SUGCT: variants seen among roughly 807,000 people sequenced by gnomAD.
SUGCT encodes the protein succinyl-CoA:glutarate-CoA transferase.
A neutral mutation model predicts 55.0 loss-of-function variants in SUGCT; 41 were observed. That is an observed-to-expected ratio of 0.74 (90% CI 0.58 to 0.97). SUGCT has a LOEUF of 0.97. Ranked by LOEUF, SUGCT falls within the 50% of genes least tolerant of loss-of-function variation. SUGCT has a pLI of 0.00. For synonymous variants in SUGCT, 187 were observed against 200.4 expected (o/e 0.93, Z 0.56); for missense variants, 568 against 547.8 (o/e 1.04, Z -0.37).
the SUGCT span, among the ~76,000 whole-genome samples, chr7:40,983,020 C>A: frequency 6.6e-6 from 1 of 152,162 alleles, no homozygotes; most frequent in East Asian, 1.9e-4. Flanking sequence ...TTCTTAGGTA[C>A]ATTATATGTC....
chr7:40,422,559 A>C (rs1374157617), intron 9 of SUGCT, among the ~76,000 whole-genome samples: 1 of 152,072 alleles, frequency 6.6e-6, no homozygotes, highest in Non-Finnish European at 1.5e-5. Context: ...TTCTCTTCAC[A>C]TCAGAATCCT....
At chr7:40,136,756 G>GA (rs1787716592) in intron 1 of SUGCT, among the ~76,000 whole-genome samples, 1 of 152,164 alleles carries the variant, frequency 6.6e-6, no homozygotes, top group South Asian at 2.1e-4. Flanking sequence ...TGAATAAAAT[G>GA]ACCTAGGTGG....
intron 9 of SUGCT, among the ~76,000 whole-genome samples, chr7:40,378,245 T>C (rs1784703589): frequency 6.6e-6 from 1 of 152,066 alleles, no homozygotes; most frequent in Non-Finnish European, 1.5e-5. Flanking sequence ...ACTCCTGTTG[T>C]GCACCTGTTA....
the SUGCT span, among the ~76,000 whole-genome samples, chr7:40,885,212 C>A: frequency 6.6e-6 from 1 of 152,028 alleles, no homozygotes; most frequent in African/African-American, 2.4e-5. Flanking sequence ...CTTGCAGGCT[C>A]CAGCGTTTTC....
At chr7:40,701,016 T>C (rs1267883150) in intron 12 of SUGCT, among the ~76,000 whole-genome samples, 1 of 152,162 alleles carries the variant, frequency 6.6e-6, no homozygotes, top group Non-Finnish European at 1.5e-5. Context: ...CTGCTCTTTG[T>C]TTTGCTTGGT....
chr7:40,514,710 CAA>C (rs914527174), intron 12 of SUGCT, among the ~76,000 whole-genome samples: 9 of 13,884 alleles, frequency 6.5e-4, no homozygotes, highest in African/African-American at 2.1e-3. Context: ...AACTCCGTCT[CAA>C]AAAAAAAAAA....
At chr7:40,136,940 A>T (rs989609147) in intron 1 of SUGCT, among the ~76,000 whole-genome samples, 10 of 151,968 alleles carry the variant, frequency 6.6e-5, no homozygotes, top group African/African-American at 2.4e-4. Context: ...AGCTGCAGTG[A>T]TCCGCTATTG....
At chr7:40,719,845 G>T (rs762120102) in intron 12 of SUGCT, among the ~76,000 whole-genome samples, 13 of 152,282 alleles carry the variant, frequency 8.5e-5, no homozygotes, top group Middle Eastern at 6.8e-3. Flanking sequence ...CACCAGGCTG[G>T]CATGCAGTGG....
chr7:40,255,356 A>C (rs1038656033), intron 7 of SUGCT, among the ~76,000 whole-genome samples: 2 of 151,856 alleles, frequency 1.3e-5, no homozygotes, highest in African/African-American at 4.8e-5. Context: ...TGACTTAATG[A>C]AAGTATTGAA....
At chr7:40,441,617 G>T (rs969833825) in intron 9 of SUGCT, among the ~76,000 whole-genome samples, 2 of 152,160 alleles carry the variant, frequency 1.3e-5, no homozygotes, top group Non-Finnish European at 2.9e-5. Context: ...TGTATAGTAA[G>T]ATATTCATGT....
intron 13 of SUGCT, among the ~76,000 whole-genome samples, chr7:40,800,385 T>A (rs551216897): frequency 2.0e-5 from 3 of 151,060 alleles, no homozygotes; most frequent in Admixed American, 6.6e-5. Context: ...GCCTCCTGGG[T>A]TCAAGTGATT....
At chr7:40,986,891 A>C in the SUGCT span, among the ~76,000 whole-genome samples, 1 of 152,168 alleles carries the variant, frequency 6.6e-6, no homozygotes. Context: ...AAATAAAAAA[A>C]CCTCACCTCC....
At chr7:40,905,391 G>A in the SUGCT span, among the ~76,000 whole-genome samples, 1 of 152,164 alleles carries the variant, frequency 6.6e-6, no homozygotes, top group Non-Finnish European at 1.5e-5. Flanking sequence ...AATGAAAAGA[G>A]ATGATAAAAG....
At chr7:40,946,670 C>G in the SUGCT span, among the ~76,000 whole-genome samples, 1 of 152,058 alleles carries the variant, frequency 6.6e-6, no homozygotes, top group Non-Finnish European at 1.5e-5. Flanking sequence ...CTAGGAATGT[C>G]TTTATTTATT....
chr7:40,181,136 T>C lies in SUGCT; in HGVS notation c.152+138T>C, dbSNP rs187278627. On this transcript the variant is annotated intron_variant, in intron 2 of 13. Coordinates refer to ENST00000335693, the MANE Select transcript of SUGCT (RefSeq NM_001193313.2). ...AAGAAAATAAGAAAAGAAAAATTGCTGTAATATCATCATTCTATGAGACAA... is the reference window on the plus strand; with the variant it reads ...AAGAAAATAAGAAAAGAAAAATTGCCGTAATATCATCATTCTATGAGACAA... The C allele has an allele frequency of 3.2e-4, 225 of 697,056 alleles. No homozygotes were observed. In the African/African-American group the frequency reaches 3.7e-3, roughly 11 times the overall value. 43.2% of individuals were successfully genotyped at this position (697,056 alleles called of 1,614,324 possible).
At chr7:40,893,768 A>G in the SUGCT span, among the ~76,000 whole-genome samples, 1 of 152,184 alleles carries the variant, frequency 6.6e-6, no homozygotes, top group Non-Finnish European at 1.5e-5. Context: ...ACTTCAAACT[A>G]TACTACAAGA....
At chr7:40,971,514 T>A in the SUGCT span, among the ~76,000 whole-genome samples, 6 of 152,056 alleles carry the variant, frequency 3.9e-5, no homozygotes, top group South Asian at 1.3e-3. Context: ...CAGAAGAGAT[T>A]TAAAAGGGGT....
chr7:40,913,955 A>G, the SUGCT span, among the ~76,000 whole-genome samples: 1 of 152,248 alleles, frequency 6.6e-6, no homozygotes, highest in Non-Finnish European at 1.5e-5. Context: ...CACCCACACA[A>G]GAAAGGGAAA....
At chr7:41,021,203 A>C in the SUGCT span, among the ~76,000 whole-genome samples, 13,992 of 152,250 alleles carry the variant, frequency 0.092, 1,301 homozygotes, top group African/African-American at 0.23. Flanking sequence ...AGTGACAAGC[A>C]AAGTTATGGA....
Sources: allele counts gnomAD v4.1 joint callset (sites outside exome capture counted in the v4.1 genomes callset), GRCh38; gene constraint gnomAD v4.1.1; transcripts MANE v1.5; gene names NCBI Gene and HGNC (gene_info 2026-07-23, HGNC 2026-07-21).